The following TRMT44 variants were observed in gnomAD, a reference collection of about 807,000 sequenced individuals.
TRMT44 encodes the protein probable tRNA (uracil-O(2)-)-methyltransferase.
TRMT44 carries 78 observed loss-of-function variants against 77.3 expected under a neutral mutation model. That is an observed-to-expected ratio of 1.01 (90% CI 0.84 to 1.22). TRMT44 has a LOEUF of 1.22. TRMT44 is among the 50% of genes most tolerant of loss of function. The probability of loss-of-function intolerance (pLI) is 0.00; values close to 1 mark genes in which losing one functional copy is unlikely to be tolerated. For synonymous variants in TRMT44, 391 were observed against 383.3 expected (o/e 1.02, Z -0.23); for missense variants, 1,090 against 964.4 (o/e 1.13, Z -1.73).
intron 2 of TRMT44, among the ~76,000 whole-genome samples, chr4:8,447,247 T>C (rs1295077099): frequency 2.6e-5 from 4 of 152,236 alleles, no homozygotes; most frequent in African/African-American, 9.6e-5. Flanking sequence ...TATTCAGTGA[T>C]ACTTATTATA....
At chr4:8,506,758 C>G in the TRMT44 span, 1 of 152,254 alleles carries the variant, frequency 6.6e-6, no homozygotes, top group Admixed American at 6.5e-5. Context: ...TCCGCCAGAG[C>G]CCACGTCTGC....
chr4:8,511,419 A>G, the TRMT44 span, among the ~76,000 whole-genome samples: 1 of 152,124 alleles, frequency 6.6e-6, no homozygotes, highest in Non-Finnish European at 1.5e-5. Flanking sequence ...CTTAATCTCT[A>G]AAACCTGTAC....
At position 8,451,930 on chromosome 4, in the gene TRMT44, A is replaced by C. The variant is rs572635811; in HGVS notation, c.955-30A>C. On this transcript the variant is annotated intron_variant, in intron 3 of 10. Transcript: ENST00000389737. This position sits in a 1 kb window ranked among gnomAD's most constrained non-coding sequence, Gnocchi z 4.1. ...GGAAATGGTGGTGGGGAAACCGAAC[A>C]ATTTATGTTTGCTCTTGAAACTGTT... 87 of 1,535,084 alleles carry C rather than the reference A, an allele frequency of 5.7e-5. No homozygotes were observed. In the African/African-American group the frequency reaches 1.1e-3, roughly 20 times the overall value.
chr4:8,469,653 C>T (rs193246417), intron 9 of TRMT44, among the ~76,000 whole-genome samples: 34 of 152,252 alleles, frequency 2.2e-4, no homozygotes, highest in Admixed American at 1.2e-3. Flanking sequence ...GTCCTGCCTG[C>T]GCCTTGGAAC....
intron 1 of TRMT44, among the ~76,000 whole-genome samples, chr4:8,443,381 T>C (rs541853598): frequency 6.6e-6 from 1 of 152,354 alleles, no homozygotes; most frequent in Non-Finnish European, 1.5e-5. Flanking sequence ...TTTTCAGGAT[T>C]GCTTTCTATA....
intron 8 of TRMT44, among the ~76,000 whole-genome samples, chr4:8,467,377 A>G (rs1726653475): frequency 6.6e-6 from 1 of 152,172 alleles, no homozygotes; most frequent in South Asian, 2.1e-4. Flanking sequence ...GATCTTGTGA[A>G]GGTCCAAGAT....
chr4:8,480,399 G>T (rs893985353), downstream of TRMT44, among the ~76,000 whole-genome samples: 4 of 152,120 alleles, frequency 2.6e-5, no homozygotes, highest in African/African-American at 9.7e-5. Flanking sequence ...CCTTAGGGTG[G>T]GCTGCCTGCA....
At chr4:8,471,229 C>A in intron 10 of TRMT44, 29 bp downstream of exon 10, 3 of 1,380,190 alleles carry the variant, frequency 2.2e-6, no homozygotes, top group Non-Finnish European at 3.0e-6. Context: ...CCCCGCCGTT[C>A]TTTCCTTCTT....
At chr4:8,463,773 C>A (rs1464128226) in intron 6 of TRMT44, among the ~76,000 whole-genome samples, 1 of 152,208 alleles carries the variant, frequency 6.6e-6, no homozygotes, top group Non-Finnish European at 1.5e-5. Flanking sequence ...CCGGTGATTT[C>A]CCTAAAAGTT....
rs1727837937 is a variant in TRMT44, at chr4:8,487,212, AG to A, written n.3892-6053del. On this transcript the variant is annotated intron_variant and non_coding_transcript_variant, in intron 2 of 2. Transcript: ENST00000511366. ...TTGTATTGGGGTCAAGCGGCATTGC[AG>A]AAGAAAATAAGGCATTTAGGTTTTA... Among the ~76,000 whole-genome samples the A allele has an allele frequency of 2.0e-5, 3 of 152,194 alleles. No individual in the cohort carries two copies. The South Asian group carries it at 6.2e-4, about 32-fold the overall frequency.
intron 2 of TRMT44, among the ~76,000 whole-genome samples, chr4:8,485,038 AAAG>A (rs1727760373): frequency 6.6e-6 from 1 of 152,226 alleles, no homozygotes; most frequent in East Asian, 1.9e-4. Flanking sequence ...GAGGGGCTAC[AAAG>A]AAGGTCATCA....
At chr4:8,504,830 C>T in the TRMT44 span, among the ~76,000 whole-genome samples, 1 of 152,198 alleles carries the variant, frequency 6.6e-6, no homozygotes, top group East Asian at 1.9e-4. This position sits in a 1 kb window ranked among gnomAD's most constrained non-coding sequence, Gnocchi z 5.3. Flanking sequence ...TCTGCCTCAC[C>T]ACCCCAGTCC....
rs1019122114 is a variant in TRMT44, at chr4:8,461,438, A to T, written c.1204-2547A>T. ...AATTCCATGTGTCCCCAGGTGAAAAAGCACCTTTGGGTAGGAAATTCAAGC... is the reference window on the plus strand; with the variant it reads ...AATTCCATGTGTCCCCAGGTGAAAATGCACCTTTGGGTAGGAAATTCAAGC... On this transcript the variant is annotated intron_variant, in intron 6 of 10. Transcript: ENST00000389737. The surrounding 1 kb of genome is among the most constrained non-coding windows in gnomAD (Gnocchi z 4.6). Among the ~76,000 whole-genome samples the T allele has an allele frequency of 6.6e-6, 1 of 152,166 alleles. No individual in the cohort carries two copies. The highest frequency in any genetic ancestry group is 2.4e-5 in the African/African-American group (1 of 41,438).
chr4:8,508,384 G>A, the TRMT44 span, among the ~76,000 whole-genome samples: 1 of 152,206 alleles, frequency 6.6e-6, no homozygotes, highest in Non-Finnish European at 1.5e-5. Context: ...TGGGTGCCAT[G>A]GGTTGTGTCT....
intron 6 of TRMT44, among the ~76,000 whole-genome samples, chr4:8,458,143 G>A (rs1327731002): frequency 1.3e-5 from 2 of 152,214 alleles, no homozygotes; most frequent in Non-Finnish European, 2.9e-5. Flanking sequence ...AGACTCTTCT[G>A]CGATATGCAC....
chr4:8,509,100 A>G, the TRMT44 span: 9 of 152,038 alleles, frequency 5.9e-5, no homozygotes, highest in East Asian at 1.9e-4. Context: ...TGTAGTTGCA[A>G]CTCTTCTCTG....
At chr4:8,450,666 A>G (rs1017697157) in intron 3 of TRMT44, among the ~76,000 whole-genome samples, 10 of 152,176 alleles carry the variant, frequency 6.6e-5, no homozygotes, top group South Asian at 6.2e-4. Context: ...TTCCCCCAAT[A>G]CATCTGTGTG....
intron 2 of TRMT44, among the ~76,000 whole-genome samples, chr4:8,482,772 C>A (rs2109216944): frequency 6.6e-6 from 1 of 152,124 alleles, no homozygotes; most frequent in East Asian, 1.9e-4. Flanking sequence ...TCAGTTACTT[C>A]AGGCCATCTG....
chr4:8,457,981 A>G (rs952758123), intron 6 of TRMT44, among the ~76,000 whole-genome samples: 1 of 152,250 alleles, frequency 6.6e-6, no homozygotes, highest in Admixed American at 6.5e-5. Flanking sequence ...GGAATTAACT[A>G]CAGACGACCT....
Sources: gnomAD v4.1 joint callset for allele counts (sites outside exome capture counted in the v4.1 genomes callset) on GRCh38, gnomAD v4.1.1 for gene constraint, Gnocchi (gnomAD v3.1) non-coding constraint, MANE v1.5 for transcripts, NCBI Gene and HGNC (gene_info 2026-07-23, HGNC 2026-07-21) for gene names.